CCDC25: variants seen among roughly 807,000 people sequenced by gnomAD.
The protein encoded by CCDC25 is coiled-coil domain-containing protein 25.
CCDC25 carries 16 observed loss-of-function variants against 35.3 expected under a neutral mutation model. The observed-to-expected ratio is 0.45, with a 90% CI of 0.31 to 0.69. CCDC25 has a LOEUF of 0.69. CCDC25 is among the 30% of genes least tolerant of loss of function. The pLI is 0.06. For synonymous variants in CCDC25, 79 were observed against 80.3 expected (o/e 0.98, Z 0.09); for missense variants, 179 against 250.7 (o/e 0.71, Z 1.93).
rs17057721 is a variant in CCDC25, at chr8:27,740,619, A to G, written c.552-102T>C. The G allele has an allele frequency of 2.6e-3, 2,390 of 921,746 alleles. 29 individuals carry two copies. The African/African-American group carries it at 0.032, about 12-fold the overall frequency. 57.1% of individuals were successfully genotyped at this position (921,746 alleles called of 1,614,324 possible). ...GTATCCAGCACTGCTCAGGGGCTTT[A>G]GAAGAAACACAAGAGCTATTAGATA... On this transcript the variant is annotated intron_variant, in intron 7 of 8. Coordinates refer to ENST00000356537, the MANE Select transcript of CCDC25 (RefSeq NM_018246.3).
chr8:27,772,630 C>G lies in CCDC25; in HGVS notation c.-90G>C, dbSNP rs921118235. Reference sequence around the variant, plus strand: ...TACCAGACTCGCGGCGGCCGCCTGGCCCCCGGAACTCCTCCGTGCACTTCC... The same window carrying G: ...TACCAGACTCGCGGCGGCCGCCTGGGCCCCGGAACTCCTCCGTGCACTTCC... On this transcript the variant is annotated 5_prime_UTR_variant, in exon 1 of 9. Coordinates refer to ENST00000356537, the MANE Select transcript of CCDC25 (RefSeq NM_018246.3). 48 of 1,326,094 alleles carry G rather than the reference C, an allele frequency of 3.6e-5. No homozygotes were observed. The highest frequency in any genetic ancestry group is 3.4e-4 in the Admixed American group (16 of 47,754). The allele number at this position is 1,326,094 out of a possible 1,614,324, so 82.1% of individuals were successfully genotyped here. A position where few individuals can be genotyped will look rare whatever the true frequency, so the allele number is the denominator to read the frequency against.
At chr8:27,738,181 G>A (rs10081444) in intron 8 of CCDC25, among the ~76,000 whole-genome samples, 1,521 of 152,084 alleles carry the variant, frequency 0.01, 21 homozygotes, top group African/African-American at 0.034. Flanking sequence ...CTTGGGTGAC[G>A]GATGCACCAA....
chr8:27,742,850 G>C (rs1307092598), intron 7 of CCDC25, among the ~76,000 whole-genome samples: 1 of 152,212 alleles, frequency 6.6e-6, no homozygotes, highest in Non-Finnish European at 1.5e-5. Flanking sequence ...CTGGGCAACA[G>C]AGTGAGACTC....
rs1486601082 is a variant in CCDC25, at chr8:27,765,634, A to AAG, written c.29-384_29-383insCT. ...TTTTGCCTTCTTTAAGAGTTAAAAAAAAAAGAAAAGAAAAGAAAACTAAAC... is the reference window on the plus strand; with the variant it reads ...TTTTGCCTTCTTTAAGAGTTAAAAAAAGAAAAGAAAAGAAAAGAAAACTAAAC... On this transcript the variant is annotated intron_variant, in intron 1 of 8. Coordinates refer to ENST00000356537, the MANE Select transcript of CCDC25 (RefSeq NM_018246.3). Among the ~76,000 whole-genome samples the AAG allele has an allele frequency of 6.6e-5, 10 of 151,996 alleles. No homozygotes were observed. In the South Asian group the frequency reaches 1.5e-3, roughly 22 times the overall value.
At chr8:27,748,628 G>C (rs1474665153) in intron 5 of CCDC25, 30 bp from the exon 6 acceptor site, 1 of 1,506,808 alleles carries the variant, frequency 6.6e-7, no homozygotes. Context: ...TCAACATGCA[G>C]GCAGGATGAG....
At chr8:27,750,538 T>C (rs1803763040) in intron 5 of CCDC25, among the ~76,000 whole-genome samples, 2 of 152,124 alleles carry the variant, frequency 1.3e-5, no homozygotes, top group African/African-American at 2.4e-5. Flanking sequence ...CTCTGATGAC[T>C]GACAAAGACA....
chr8:27,743,886 T>C (rs1000447632), intron 7 of CCDC25, among the ~76,000 whole-genome samples: 6 of 152,198 alleles, frequency 3.9e-5, no homozygotes, highest in East Asian at 1.9e-4. Flanking sequence ...GTCTGGCATG[T>C]GTTTAGCAGA....
chr8:27,762,992 G>C (rs1804278115), intron 2 of CCDC25, among the ~76,000 whole-genome samples: 1 of 152,172 alleles, frequency 6.6e-6, no homozygotes, highest in Non-Finnish European at 1.5e-5. Flanking sequence ...AAAAGTAATT[G>C]TCTGGGGAGG....
chr8:27,748,645 C>A, intron 5 of CCDC25, 47 bp from the exon 6 acceptor site: 1 of 1,385,086 alleles, frequency 7.2e-7, no homozygotes. Flanking sequence ...TGAGACTGAG[C>A]AATGTGTTCC....
chr8:27,770,355 A>C (rs1804552192), intron 1 of CCDC25, among the ~76,000 whole-genome samples: 1 of 152,148 alleles, frequency 6.6e-6, no homozygotes, highest in Admixed American at 6.5e-5. Context: ...TGAACCCAGG[A>C]GATGGAGGTT....
chr8:27,753,564 G>A (rs1376754642), intron 4 of CCDC25, among the ~76,000 whole-genome samples: 1 of 152,100 alleles, frequency 6.6e-6, no homozygotes, highest in East Asian at 1.9e-4. Flanking sequence ...AAATTAAACT[G>A]AGCTCATTAT....
At chr8:27,768,958 G>A (rs1026959462) in intron 1 of CCDC25, among the ~76,000 whole-genome samples, 3 of 152,172 alleles carry the variant, frequency 2.0e-5, no homozygotes, top group African/African-American at 7.2e-5. Flanking sequence ...CAGCATGAAA[G>A]AATGAAAATG....
intron 5 of CCDC25, 100 bp downstream of exon 5, chr8:27,752,412 G>A (rs1204293269): frequency 2.2e-6 from 2 of 890,802 alleles, no homozygotes; most frequent in Non-Finnish European, 3.6e-6. Flanking sequence ...GTTATTCTTT[G>A]ATGGAGGCCA....
intron 1 of CCDC25, among the ~76,000 whole-genome samples, chr8:27,767,158 A>C (rs1804428605): frequency 6.6e-6 from 1 of 152,098 alleles, no homozygotes; most frequent in African/African-American, 2.4e-5. Context: ...TTGAGGCCAG[A>C]AGTTTGAGAC....
At chr8:27,765,026 T>C (rs1804352462) in intron 2 of CCDC25, among the ~76,000 whole-genome samples, 178 bp downstream of exon 2, 1 of 152,232 alleles carries the variant, frequency 6.6e-6, no homozygotes, top group Admixed American at 6.5e-5. Flanking sequence ...TTTTCTTATG[T>C]AGCTTAGGAG....
intron 4 of CCDC25, among the ~76,000 whole-genome samples, chr8:27,753,427 T>C (rs980322910): frequency 6.6e-6 from 1 of 152,120 alleles, no homozygotes; most frequent in African/African-American, 2.4e-5. Context: ...CTGGGCACAT[T>C]AGGCTGGGTT....
rs550546562 is a variant in CCDC25 at position 27,742,270 on chromosome 8, G to T, written c.552-1753C>A. ...GGGAGACACCCAGAGGGAGAGACCAGTAAGTCTTTCCCTCTGGAGAGACTT... is the reference window on the plus strand; with the variant it reads ...GGGAGACACCCAGAGGGAGAGACCATTAAGTCTTTCCCTCTGGAGAGACTT... On this transcript the variant is annotated intron_variant, in intron 7 of 8. Transcript: ENST00000356537. Among the ~76,000 whole-genome samples the T allele has an allele frequency of 7.2e-5, 11 of 152,318 alleles. No individual in the cohort carries two copies. The East Asian group carries it at 2.1e-3, about 29-fold the overall frequency.
At chr8:27,748,353 A>G (rs1466505227) in intron 6 of CCDC25, 74 bp from the exon 7 acceptor site, 9 of 1,423,234 alleles carry the variant, frequency 6.3e-6, no homozygotes, top group Middle Eastern at 2.0e-4. Context: ...GAGGCTTTCC[A>G]GGGGTTTAGC....
chr8:27,748,045 A>G (rs1328505433), intron 7 of CCDC25, 32 bp downstream of exon 7: 1 of 1,588,418 alleles, frequency 6.3e-7, no homozygotes, highest in Non-Finnish European at 8.6e-7. Context: ...ATAATCTTTG[A>G]GGTCAGTCTC....
Sources: gnomAD v4.1 joint callset for allele counts (sites outside exome capture counted in the v4.1 genomes callset) on GRCh38, gnomAD v4.1.1 for gene constraint, MANE v1.5 for transcripts, NCBI Gene and HGNC (gene_info 2026-07-23, HGNC 2026-07-21) for gene names.